PIERCE2: variants seen among roughly 807,000 people sequenced by gnomAD.
PIERCE2 encodes the protein piercer of microtubule wall 2 protein.
the PIERCE2 span, among the ~76,000 whole-genome samples, chr15:55,412,840 A>G: frequency 1.3e-5 from 2 of 152,164 alleles, no homozygotes; most frequent in Non-Finnish European, 2.9e-5. Flanking sequence ...TTTTAAGTTA[A>G]AAGCTGGGGA....
chr15:55,416,647 T>A, the PIERCE2 span, among the ~76,000 whole-genome samples: 1 of 152,030 alleles, frequency 6.6e-6, no homozygotes, highest in African/African-American at 2.4e-5. Flanking sequence ...TGAATTCTAC[T>A]TCCAAAATAT....
chr15:55,408,549 T>C, the PIERCE2 span: 1 of 397,620 alleles, frequency 2.5e-6, no homozygotes, highest in Non-Finnish European at 4.5e-6. Flanking sequence ...TGGTTACGAG[T>C]TGCAACCTCC....
At chr15:55,418,669 A>G in the PIERCE2 span, 1 of 850,206 alleles carries the variant, frequency 1.2e-6, no homozygotes, top group South Asian at 2.2e-5. Context: ...AAAAGTTTTG[A>G]ATCAATTTTT....
chr15:55,418,460 G>C, the PIERCE2 span: 1 of 1,522,878 alleles, frequency 6.6e-7, no homozygotes. Context: ...AAAGGAGCAA[G>C]TATTTTCAAG....
At chr15:55,415,141 C>A in the PIERCE2 span, among the ~76,000 whole-genome samples, 1 of 151,966 alleles carries the variant, frequency 6.6e-6, no homozygotes. Flanking sequence ...CAGGACAAGC[C>A]GCAGACAAAA....
At chr15:55,410,276 A>G in the PIERCE2 span, among the ~76,000 whole-genome samples, 2 of 152,182 alleles carry the variant, frequency 1.3e-5, no homozygotes, top group African/African-American at 2.4e-5. Flanking sequence ...CGTTTTCTGC[A>G]TTATGTTTTG....
At chr15:55,408,673 G>C in the PIERCE2 span, 1 of 741,410 alleles carries the variant, frequency 1.3e-6, no homozygotes, top group Non-Finnish European at 2.3e-6. Flanking sequence ...AATTGGGTGC[G>C]GTTAAAAGGC....
the PIERCE2 span, chr15:55,411,125 T>A: frequency 2.0e-5 from 3 of 152,288 alleles, no homozygotes; most frequent in East Asian, 5.8e-4. Flanking sequence ...GTTTCAGAAC[T>A]GTTTCTGGAA....
At chr15:55,411,814 G>A in the PIERCE2 span, among the ~76,000 whole-genome samples, 5 of 152,154 alleles carry the variant, frequency 3.3e-5, no homozygotes, top group South Asian at 2.1e-4. Flanking sequence ...ACAGCTACTC[G>A]GGAGTCTGAG....
the PIERCE2 span, among the ~76,000 whole-genome samples, chr15:55,413,953 A>C: frequency 2.0e-5 from 3 of 150,626 alleles, no homozygotes; most frequent in African/African-American, 7.3e-5. Flanking sequence ...GCTGGAGTGC[A>C]GTGGCAGGAT....
the PIERCE2 span, chr15:55,408,881 C>T: frequency 6.6e-4 from 539 of 818,254 alleles, 4 homozygotes; most frequent in African/African-American, 8.7e-3. Flanking sequence ...AACCCCACAA[C>T]CCCGAAAAGC....
At chr15:55,418,437 G>A in the PIERCE2 span, 2 of 1,523,560 alleles carry the variant, frequency 1.3e-6, no homozygotes, top group Non-Finnish European at 1.8e-6. Flanking sequence ...TTTTTCCCCT[G>A]CAATTATACT....
At chr15:55,416,107 G>A in the PIERCE2 span, among the ~76,000 whole-genome samples, 1 of 146,214 alleles carries the variant, frequency 6.8e-6, no homozygotes, top group Non-Finnish European at 1.5e-5. Context: ...TATATATATA[G>A]AGAGAGAGAG....
the PIERCE2 span, among the ~76,000 whole-genome samples, chr15:55,412,823 A>T: frequency 7.9e-5 from 12 of 152,082 alleles, no homozygotes; most frequent in African/African-American, 2.9e-4. Context: ...ATATGGTTTT[A>T]TAGTACTTTT....
At chr15:55,415,190 G>T in the PIERCE2 span, among the ~76,000 whole-genome samples, 1 of 152,066 alleles carries the variant, frequency 6.6e-6, no homozygotes, top group Non-Finnish European at 1.5e-5. Flanking sequence ...GGGCTTGGCC[G>T]GGCGTGGTGG....
the PIERCE2 span, among the ~76,000 whole-genome samples, chr15:55,409,757 G>A: frequency 6.6e-6 from 1 of 152,018 alleles, no homozygotes; most frequent in Non-Finnish European, 1.5e-5. Flanking sequence ...AAAGGACTTC[G>A]AAAGGTCAAA....
the PIERCE2 span, among the ~76,000 whole-genome samples, chr15:55,411,917 T>C: frequency 7.8e-5 from 11 of 141,722 alleles, no homozygotes; most frequent in Admixed American, 2.8e-4. Context: ...GCAAAACTCC[T>C]TCTCACAAAA....
chr15:55,414,256 G>T, the PIERCE2 span, among the ~76,000 whole-genome samples: 6 of 148,486 alleles, frequency 4.0e-5, no homozygotes, highest in African/African-American at 1.5e-4. Flanking sequence ...GCCCCGGCTG[G>T]AGTCAGTGAG....
At chr15:55,412,131 A>G in the PIERCE2 span, among the ~76,000 whole-genome samples, 1 of 150,594 alleles carries the variant, frequency 6.6e-6, no homozygotes, top group Non-Finnish European at 1.5e-5. Context: ...GATCCCATTC[A>G]TATAGTGATT....
Sources: allele counts gnomAD v4.1 joint callset (sites outside exome capture counted in the v4.1 genomes callset), GRCh38; gene constraint gnomAD v4.1.1; transcripts MANE v1.5; gene names NCBI Gene and HGNC (gene_info 2026-07-23, HGNC 2026-07-21).